ARMC5: variants seen among roughly 807,000 people sequenced by gnomAD.
The protein encoded by ARMC5 is armadillo repeat-containing protein 5.
Under a neutral mutation model 60.5 loss-of-function variants are expected in ARMC5, and 28 were observed. The observed-to-expected ratio is 0.46, with a 90% CI of 0.34 to 0.63. The LOEUF (loss-of-function observed/expected upper bound fraction) is 0.63, where lower values mean the gene tolerates loss of function less well. ARMC5 is among the 30% of genes least tolerant of loss of function. The pLI, the probability that ARMC5 is intolerant of heterozygous loss-of-function variation, is 0.01. For missense variants in ARMC5, 1,189 were observed against 1,304.9 expected (o/e 0.91, Z 1.37); for synonymous variants, 680 against 607.3 (o/e 1.12, Z -1.76).
At chr16:31,463,650 C>T (rs1426437014) in intron 3 of ARMC5, among the ~76,000 whole-genome samples, 2 of 152,140 alleles carry the variant, frequency 1.3e-5, no homozygotes, top group African/African-American at 4.8e-5. Context: ...TCCAGTGACC[C>T]TCCTGGCTCA....
At position 31,460,014 on chromosome 16, in the gene ARMC5, C is replaced by T. The variant is rs369520261; in HGVS notation, c.475+15C>T. On this transcript the variant is annotated intron_variant, in intron 1 of 5. Transcript: ENST00000268314. ...ACTCCCTTTGGGTAAGTGCTCCGCCCCCGTTTCCTAGAAAGATTAGGTTTG... is the reference window on the plus strand; with the variant it reads ...ACTCCCTTTGGGTAAGTGCTCCGCCTCCGTTTCCTAGAAAGATTAGGTTTG... The T allele has an allele frequency of 1.3e-6, 2 of 1,592,868 alleles. No homozygotes were observed. The highest frequency in any genetic ancestry group is 1.7e-6 in the Non-Finnish European group (2 of 1,177,022).
rs377387843 is a variant in ARMC5 at position 31,464,927 on chromosome 16, A to G, written c.1864+40A>G. The G allele has an allele frequency of 2.5e-6, 4 of 1,610,694 alleles. No homozygotes were observed. The highest frequency in any genetic ancestry group is 1.3e-5 in the African/African-American group (1 of 74,604). On this transcript the variant is annotated intron_variant, in intron 4 of 5. Transcript: ENST00000268314. This position sits in a 1 kb window ranked among gnomAD's most constrained non-coding sequence, Gnocchi z 7.6. ...CCACCCGTCTCCTTGCCCCCATGTG[A>G]GTCCCCATCCTCCCCCATGGCTTCC...
rs764830152 is a variant in ARMC5 at position 31,465,813 on chromosome 16, AC to A, written c.1865-33del. 9 of 1,604,290 alleles carry A rather than the reference AC, an allele frequency of 5.6e-6. No individual in the cohort carries two copies. In the East Asian group the frequency reaches 1.3e-4, roughly 24 times the overall value. ...GTCTCACTCACCCCACCTGTCTTAGACCCCAGTTCCCAGCCTGACAAGCTTT... is the reference window on the plus strand; with the variant it reads ...GTCTCACTCACCCCACCTGTCTTAGACCCAGTTCCCAGCCTGACAAGCTTT... On this transcript the variant is annotated intron_variant, in intron 4 of 5. Transcript: ENST00000268314.
intron 4 of ARMC5, chr16:31,465,219 G>A (rs191701931): frequency 8.4e-6 from 13 of 1,556,014 alleles, no homozygotes; most frequent in Non-Finnish European, 1.1e-5. Flanking sequence ...CCACCAGCAC[G>A]CTGACCTGTG....
rs116201073 is a variant in ARMC5, at chr16:31,466,121, T to C, written c.2040T>C (p.Gly680=). 6,089 of 1,603,320 alleles carry C rather than the reference T, an allele frequency of 3.8e-3. 210 individuals carry two copies. In the African/African-American group the frequency reaches 0.073, roughly 19 times the overall value. The change falls in exon 6 of 6, where the codon GGT becomes GGC. Residue 680 remains glycine, a synonymous_variant. Coordinates refer to ENST00000268314, the MANE Select transcript of ARMC5 (RefSeq NM_001105247.2). The surrounding 1 kb of genome is among the most constrained non-coding windows in gnomAD (Gnocchi z 8.0). ...LWRRLLLEQG[G]LRLLLAALTR... ...GCCGGCTGCTTCTGGAGCAGGGTGG[T>C]CTCCGGCTCCTCCTTGCGGCGCTGA...
At chr16:31,460,689 T>A (rs1328592413) in intron 1 of ARMC5, among the ~76,000 whole-genome samples, 1 of 152,208 alleles carries the variant, frequency 6.6e-6, no homozygotes, top group Non-Finnish European at 1.5e-5. Context: ...AATGACTGCC[T>A]GTGAATAGCC....
Position 31,462,432 on chromosome 16 carries a change from G to T in ARMC5, c.885G>T (p.Arg295=). 4 of 1,611,786 alleles carry T rather than the reference G, an allele frequency of 2.5e-6. No individual in the cohort carries two copies. Among genetic ancestry groups the T allele is most frequent in the Non-Finnish European group, 3.4e-6 (4 of 1,178,798 alleles). The change falls in exon 3 of 6, where the codon CGG becomes CGT. Residue 295 remains arginine (R), a synonymous_variant. Coordinates refer to ENST00000268314, the MANE Select transcript of ARMC5 (RefSeq NM_001105247.2). The surrounding 1 kb of genome is among the most constrained non-coding windows in gnomAD (Gnocchi z 7.2). The part of the protein sequence containing the change: ...PLVSLASHPK[R]AVREGTILIL... Reference sequence around the variant, plus strand: ...TCAGCCTGGCTTCCCACCCCAAGCGGGCAGTACGCGAGGGAACCATTCTGA... The same window carrying T: ...TCAGCCTGGCTTCCCACCCCAAGCGTGCAGTACGCGAGGGAACCATTCTGA...
upstream of ARMC5, chr16:31,459,384 G>C: frequency 2.3e-5 from 35 of 1,536,830 alleles, no homozygotes; most frequent in Non-Finnish European, 3.1e-5. Context: ...CCGGGGTCGA[G>C]AACTACAACT....
In ARMC5 at chr16:31,462,683, G is replaced by A. The variant is rs551854881; in HGVS notation, c.1136G>A (p.Arg379Gln). ...TTGGATCTACTGATGGGCCTGCTGC[G>A]GGACCCTCGTGCAAGCGCATGGCAC... ...GGLDLLMGLL[R>Q]DPRASAWHPR... Residue 379 changes from arginine (R) to glutamine (Q), a missense_variant, in exon 3 of 6, where the codon CGG (arginine) becomes CAG (glutamine). Physicochemically the swap from Arg to Gln is conservative, Grantham distance 43. Coordinates refer to ENST00000268314, the MANE Select transcript of ARMC5 (RefSeq NM_001105247.2). This position sits in a 1 kb window ranked among gnomAD's most constrained non-coding sequence, Gnocchi z 7.2. The A allele has an allele frequency of 3.0e-5, 49 of 1,613,602 alleles. No individual in the cohort carries two copies. The highest frequency in any genetic ancestry group is 3.8e-5 in the Non-Finnish European group (45 of 1,180,038).
chr16:31,458,342 T>C (rs1226587717), upstream of ARMC5: 4 of 1,474,198 alleles, frequency 2.7e-6, no homozygotes, highest in Non-Finnish European at 2.7e-6. Context: ...CTGGATCAGG[T>C]TGGAGCTGAC....
chr16:31,466,949 T>C lies in ARMC5; in HGVS notation c.*60T>C. 1.4e-6 allele frequency: 2 copies of C among 1,445,522 alleles called. No homozygotes were observed. The highest frequency in any genetic ancestry group is 1.8e-6 in the Non-Finnish European group (2 of 1,099,032). The allele number at this position is 1,445,522 out of a possible 1,614,324, so 89.5% of individuals were successfully genotyped here. On this transcript the variant is annotated 3_prime_UTR_variant, in exon 6 of 6. Coordinates refer to ENST00000268314, the MANE Select transcript of ARMC5 (RefSeq NM_001105247.2). This position sits in a 1 kb window ranked among gnomAD's most constrained non-coding sequence, Gnocchi z 8.0. Reference sequence around the variant, plus strand: ...TGAATTGGCTGTGAAGGATCCTCCCTGAGACTGGCAAGGGAGGAGGCTGAG... The same window carrying C: ...TGAATTGGCTGTGAAGGATCCTCCCCGAGACTGGCAAGGGAGGAGGCTGAG...
chr16:31,465,988 T>TGGGA lies in ARMC5; in HGVS notation c.1997+7_1997+10dup. 6.2e-7 allele frequency: 1 copy of TGGGA among 1,600,712 alleles called. No individual in the cohort carries two copies. The highest frequency in any genetic ancestry group is 1.3e-5 in the African/African-American group (1 of 74,822). On this transcript the variant is annotated splice_region_variant and intron_variant, in intron 5 of 5. Transcript: ENST00000268314. ...ACCCTGCCCTTCATCTGCCGGTGAGTGGGAAGTGGGTGCCTTGCGGGGTTG... is the reference window on the plus strand; with the variant it reads ...ACCCTGCCCTTCATCTGCCGGTGAGTGGGAGGGAAGTGGGTGCCTTGCGGGGTTG...
intron 1 of ARMC5, 137 bp downstream of exon 1, chr16:31,460,136 ATC>A (rs1467901880): frequency 1.0e-6 from 1 of 968,532 alleles, no homozygotes; most frequent in Non-Finnish European, 1.5e-6. Flanking sequence ...CTGTTTCTCA[ATC>A]TGTTGTGCCC....
rs1442389246 is a variant in ARMC5, at chr16:31,464,370, T to C, written c.1371-24T>C. 1 of 1,474,218 alleles carries C rather than the reference T, an allele frequency of 6.8e-7. No homozygotes were observed. 91.3% of individuals were successfully genotyped at this position (1,474,218 alleles called of 1,614,324 possible). ...CTTAACCTTGGCTCTGGGTTCAGTC[T>C]CCTTCCCTTTCTGCCCTCCGCAGGT... On this transcript the variant is annotated intron_variant, in intron 3 of 5. Coordinates refer to ENST00000268314, the MANE Select transcript of ARMC5 (RefSeq NM_001105247.2). The surrounding 1 kb of genome is among the most constrained non-coding windows in gnomAD (Gnocchi z 7.6).
chr16:31,463,084 C>T (rs2082319566), intron 3 of ARMC5, among the ~76,000 whole-genome samples, 167 bp downstream of exon 3: 1 of 151,980 alleles, frequency 6.6e-6, no homozygotes, highest in African/African-American at 2.4e-5. Flanking sequence ...ATTTAACACA[C>T]TCCACTCCCC....
Position 31,462,841 on chromosome 16 carries a change from A to G in ARMC5, c.1294A>G (p.Arg432Gly), listed in dbSNP as rs1474716274. 1 of 1,614,034 alleles carries G rather than the reference A, an allele frequency of 6.2e-7. No individual in the cohort carries two copies. The highest frequency in any genetic ancestry group is 1.1e-5 in the South Asian group (1 of 91,080). ...GGCTGGTGAGGAGGAAGAAGAGGGAAGAGAAGCTGCTTCCTGGGACTTTCC... is the reference window on the plus strand; with the variant it reads ...GGCTGGTGAGGAGGAAGAAGAGGGAGGAGAAGCTGCTTCCTGGGACTTTCC... ...GEAGEEEEEG[R>G]EAASWDFPEE... Residue 432 changes from arginine to glycine, a missense_variant, in exon 3 of 6, where the codon AGA becomes GGA. Arg to Gly is a moderately radical substitution (Grantham distance 125). Coordinates refer to ENST00000268314, the MANE Select transcript of ARMC5 (RefSeq NM_001105247.2). The surrounding 1 kb of genome is among the most constrained non-coding windows in gnomAD (Gnocchi z 7.2).
rs200364135 is a variant in ARMC5 at position 31,464,527 on chromosome 16, C to T, written c.1504C>T (p.Arg502Cys). The change falls in exon 4 of 6, where the codon CGC (arginine) becomes TGC (cysteine). Residue 502 changes from arginine to cysteine, a missense_variant. Arg to Cys is a radical substitution (Grantham distance 180). This residue lies in a region of ARMC5 where 862 missense variants were observed against 1,071.2 expected (regional missense o/e 0.80). Transcript: ENST00000268314. The surrounding 1 kb of genome is among the most constrained non-coding windows in gnomAD (Gnocchi z 7.6). ...APTPTSLRAP[R>C]TQRTPGRSPA... ...GACCCCGACCTCGCTGCGGGCACCA[C>T]GCACCCAACGCACTCCGGGCCGCAG... The T allele has an allele frequency of 3.1e-6, 5 of 1,598,470 alleles. No homozygotes were observed. The highest frequency in any genetic ancestry group is 1.3e-5 in the African/African-American group (1 of 74,708).
Position 31,462,400 on chromosome 16 carries a change from C to A in ARMC5, c.853C>A (p.Pro285Thr). 5.0e-6 allele frequency: 8 copies of A among 1,609,956 alleles called. No individual in the cohort carries two copies. The highest frequency in any genetic ancestry group is 5.9e-6 in the Non-Finnish European group (7 of 1,177,490). Residue 285 changes from proline (P) to threonine (T), a missense_variant, in exon 3 of 6, where the codon CCA (proline) becomes ACA (threonine). Physicochemically the swap from Pro to Thr is conservative, Grantham distance 38 (BLOSUM62 -1). Coordinates refer to ENST00000268314, the MANE Select transcript of ARMC5 (RefSeq NM_001105247.2). The surrounding 1 kb of genome is among the most constrained non-coding windows in gnomAD (Gnocchi z 7.2). ...GCTAAGTCTGGGTGGGGGATTGGGC[C>A]CACTCGTCAGCCTGGCTTCCCACCC... ...EQLSLGGGLG[P>T]LVSLASHPKR...
chr16:31,466,973 A>C lies in ARMC5; in HGVS notation c.*84A>C. Reference sequence around the variant, plus strand: ...CTGAGACTGGCAAGGGAGGAGGCTGAGCAGAAGGAGTCATCATGGAGGAGC... The same window carrying C: ...CTGAGACTGGCAAGGGAGGAGGCTGCGCAGAAGGAGTCATCATGGAGGAGC... On this transcript the variant is annotated 3_prime_UTR_variant, in exon 6 of 6. Coordinates refer to ENST00000268314, the MANE Select transcript of ARMC5 (RefSeq NM_001105247.2). The surrounding 1 kb of genome is among the most constrained non-coding windows in gnomAD (Gnocchi z 8.0). 1 of 1,392,830 alleles carries C rather than the reference A, an allele frequency of 7.2e-7. No individual in the cohort carries two copies. 86.3% of individuals were successfully genotyped at this position (1,392,830 alleles called of 1,614,324 possible).
Sources: allele counts gnomAD v4.1 joint callset (sites outside exome capture counted in the v4.1 genomes callset), GRCh38; gene constraint gnomAD v4.1.1; regional missense constraint gnomAD v4.1.1; non-coding constraint Gnocchi (gnomAD v3.1); transcripts MANE v1.5; gene names NCBI Gene and HGNC (gene_info 2026-07-23, HGNC 2026-07-21).